BNC2: variants seen among roughly 807,000 people sequenced by gnomAD.
BNC2 encodes zinc finger protein basonuclin-2.
Under a neutral mutation model 76.3 loss-of-function variants are expected in BNC2, and 20 were observed. The ratio of observed to expected loss-of-function variants is 0.26; its 90% CI spans 0.18 to 0.38. The LOEUF is 0.38. Among genes scored for constraint, BNC2 ranks in the 10% least tolerant of loss-of-function variants. BNC2 has a pLI of 1.00. For synonymous variants in BNC2, 582 were observed against 514.8 expected, an observed-to-expected ratio of 1.13 and a Z score of -1.77; for missense variants, 1,382 against 1,399.8, an observed-to-expected ratio of 0.99 and a Z score of 0.20.
At chr9:16,848,012 C>A (rs1819029895) in intron 1 of BNC2, among the ~76,000 whole-genome samples, 1 of 152,120 alleles carries the variant, frequency 6.6e-6, no homozygotes. Context: ...AGTCTCTGTT[C>A]AAAGACAATG....
chr9:16,721,407 T>C (rs1013757362), intron 3 of BNC2, among the ~76,000 whole-genome samples: 1 of 152,134 alleles, frequency 6.6e-6, no homozygotes, highest in African/African-American at 2.4e-5. Context: ...GTCCTTACAG[T>C]AGATGAAGAT....
At chr9:16,564,751 CAA>C (rs983583038) in intron 4 of BNC2, among the ~76,000 whole-genome samples, 3 of 152,054 alleles carry the variant, frequency 2.0e-5, no homozygotes, top group African/African-American at 4.8e-5. Context: ...AAAAGGAAAA[CAA>C]AAAGACAATT....
chr9:16,555,454 T>C (rs1326724804), intron 4 of BNC2, among the ~76,000 whole-genome samples: 1 of 152,166 alleles, frequency 6.6e-6, no homozygotes, highest in African/African-American at 2.4e-5. Flanking sequence ...ACTGAGGATA[T>C]TATAAGGACA....
chr9:16,725,215 T>A (rs985018647), intron 3 of BNC2, among the ~76,000 whole-genome samples: 9 of 59,586 alleles, frequency 1.5e-4, no homozygotes, highest in Middle Eastern at 8.9e-3. Context: ...AGTCTCTCTC[T>A]CTCACACACA....
chr9:16,729,585 CAAA>C (rs946088849), intron 2 of BNC2, among the ~76,000 whole-genome samples: 6 of 152,086 alleles, frequency 3.9e-5, no homozygotes, highest in Non-Finnish European at 5.9e-5. Flanking sequence ...AAAAAAGTCT[CAAA>C]AGAAGCAAAT....
intron 1 of BNC2, among the ~76,000 whole-genome samples, chr9:16,787,596 G>C (rs998277594): frequency 1.3e-5 from 2 of 152,102 alleles, no homozygotes; most frequent in African/African-American, 4.8e-5. Flanking sequence ...TACGGTAGTG[G>C]GCTTATTCTA....
chr9:16,685,172 G>A (rs188547584), intron 3 of BNC2, among the ~76,000 whole-genome samples: 33 of 152,224 alleles, frequency 2.2e-4, no homozygotes, highest in Non-Finnish European at 4.0e-4. Flanking sequence ...TATATGTCAG[G>A]TCCTTTAAAT....
chr9:16,473,261 C>T (rs538376029), intron 5 of BNC2: 46 of 152,270 alleles, frequency 3.0e-4, no homozygotes, highest in African/African-American at 9.1e-4. Flanking sequence ...CTTTAACAAC[C>T]GACCATCCTT....
chr9:16,790,018 G>T (rs1465343946), intron 1 of BNC2, among the ~76,000 whole-genome samples: 4 of 151,640 alleles, frequency 2.6e-5, no homozygotes, highest in Non-Finnish European at 4.4e-5. Flanking sequence ...ATTTTTTTTT[G>T]AGATGGAGTC....
intron 5 of BNC2, among the ~76,000 whole-genome samples, chr9:16,482,612 A>G (rs1822081797): frequency 6.6e-6 from 1 of 152,242 alleles, no homozygotes; most frequent in Non-Finnish European, 1.5e-5. Context: ...GATGAGACAT[A>G]TAATCTTACT....
At chr9:16,514,800 C>CA (rs1822840408) in intron 5 of BNC2, among the ~76,000 whole-genome samples, 1 of 151,972 alleles carries the variant, frequency 6.6e-6, no homozygotes, top group African/African-American at 2.4e-5. Flanking sequence ...AACAAACAAA[C>CA]AAAAAAACAC....
chr9:16,649,195 CG>C (rs1821724776), intron 3 of BNC2, among the ~76,000 whole-genome samples: 1 of 152,194 alleles, frequency 6.6e-6, no homozygotes, highest in Admixed American at 6.5e-5. Flanking sequence ...GACGGACTCA[CG>C]GGCCCCAGCA....
intron 3 of BNC2, among the ~76,000 whole-genome samples, chr9:16,604,320 A>G (rs1017791333): frequency 1.3e-5 from 2 of 152,200 alleles, no homozygotes; most frequent in Admixed American, 1.3e-4. Flanking sequence ...CTTTTGTTTA[A>G]TTTTGTGAAA....
At position 16,715,438 on chromosome 9, in the gene BNC2, G is replaced by C. The variant is rs1266178465; in HGVS notation, c.330+12359C>G. 2.0e-5 allele frequency among the ~76,000 whole-genome samples: 3 copies of C among 152,180 alleles called. No individual in the cohort carries two copies. In the East Asian group the frequency reaches 5.8e-4, roughly 29 times the overall value. Reference sequence around the variant, plus strand: ...CCCAAGATGAATGATCACATGCAATGAAACTATTATCTTCATCCATTAAAA... The same window carrying C: ...CCCAAGATGAATGATCACATGCAATCAAACTATTATCTTCATCCATTAAAA... On this transcript the variant is annotated intron_variant, in intron 3 of 6. Coordinates refer to ENST00000380672, the MANE Select transcript of BNC2 (RefSeq NM_017637.6).
intron 1 of BNC2, among the ~76,000 whole-genome samples, chr9:16,828,304 C>A (rs1040694320): frequency 6.6e-6 from 1 of 152,164 alleles, no homozygotes; most frequent in Non-Finnish European, 1.5e-5. Flanking sequence ...AGAAAAACCA[C>A]AGCAAACAAC....
At chr9:16,461,871 C>T (rs566060852) in intron 5 of BNC2, among the ~76,000 whole-genome samples, 1 of 152,208 alleles carries the variant, frequency 6.6e-6, no homozygotes, top group Non-Finnish European at 1.5e-5. Flanking sequence ...TGGAAGCCTG[C>T]TCACTTCTCA....
At chr9:16,603,519 G>GA (rs1436628943) in intron 3 of BNC2, among the ~76,000 whole-genome samples, 1 of 152,128 alleles carries the variant, frequency 6.6e-6, no homozygotes, top group Non-Finnish European at 1.5e-5. Flanking sequence ...CTCCATTGAA[G>GA]AAAATAATTT....
At chr9:16,621,370 G>C (rs1432056026) in intron 3 of BNC2, among the ~76,000 whole-genome samples, 4 of 152,154 alleles carry the variant, frequency 2.6e-5, no homozygotes, top group Admixed American at 2.6e-4. Flanking sequence ...TCTGTGGTTA[G>C]CAAAACTGAG....
intron 3 of BNC2, among the ~76,000 whole-genome samples, chr9:16,684,797 T>C (rs1822927925): frequency 6.6e-6 from 1 of 152,108 alleles, no homozygotes; most frequent in Non-Finnish European, 1.5e-5. Context: ...GGCATGCCTT[T>C]AGCCAAAATG....
Sources: allele counts gnomAD v4.1 joint callset (sites outside exome capture counted in the v4.1 genomes callset), GRCh38; gene constraint gnomAD v4.1.1; transcripts MANE v1.5; gene names NCBI Gene and HGNC (gene_info 2026-07-23, HGNC 2026-07-21).